Variants in ZNF385B observed in about 807,000 individuals in gnomAD.
The protein encoded by ZNF385B is zinc finger protein 533.
Under a neutral mutation model 39.2 loss-of-function variants are expected in ZNF385B, and 23 were observed. The ratio of observed to expected loss-of-function variants is 0.59; its 90% confidence interval spans 0.42 to 0.83. The LOEUF (loss-of-function observed/expected upper bound fraction) is 0.83, where lower values mean the gene tolerates loss of function less well. Ranked by LOEUF, ZNF385B falls within the 40% of genes least tolerant of loss-of-function variation. The probability of loss-of-function intolerance (pLI) is 0.00; values close to 1 mark genes in which losing one functional copy is unlikely to be tolerated. For missense variants in ZNF385B, 552 were observed against 598.9 expected, an observed-to-expected ratio of 0.92 and a Z score of 0.82; for synonymous variants, 205 against 222.6, an observed-to-expected ratio of 0.92 and a Z score of 0.70.
chr2:179,712,202 C>A (rs1254894360), intron 3 of ZNF385B, among the ~76,000 whole-genome samples: 1 of 152,114 alleles, frequency 6.6e-6, no homozygotes. Flanking sequence ...ATTATGCTTT[C>A]TCCCACTGAT....
chr2:179,803,625 T>C (rs773525955), intron 1 of ZNF385B, among the ~76,000 whole-genome samples: 1 of 152,178 alleles, frequency 6.6e-6, no homozygotes, highest in Non-Finnish European at 1.5e-5. Flanking sequence ...TATTTGACTA[T>C]GACCAACATA....
At chr2:179,783,702 T>C (rs1704814194) in intron 1 of ZNF385B, among the ~76,000 whole-genome samples, 1 of 152,074 alleles carries the variant, frequency 6.6e-6, no homozygotes, top group Non-Finnish European at 1.5e-5. Context: ...AAGACATACA[T>C]GCAGCCAAGA....
rs1176501714 is a variant in ZNF385B, at chr2:179,619,183, T to C, written c.299-74214A>G. Among the ~76,000 whole-genome samples the C allele has an allele frequency of 2.0e-5, 3 of 152,336 alleles. No individual in the cohort carries two copies. In the East Asian group the frequency reaches 5.8e-4, roughly 29 times the overall value. On this transcript the variant is annotated intron_variant, in intron 3 of 9. Transcript: ENST00000410066. ...AGACAGGTTAGATTCCTCTGCTGTG[T>C]TGATGAACACTTCAGGTGCATGAAA...
At chr2:179,559,368 G>C (rs746102662) in intron 3 of ZNF385B, among the ~76,000 whole-genome samples, 1 of 152,074 alleles carries the variant, frequency 6.6e-6, no homozygotes, top group Non-Finnish European at 1.5e-5. Context: ...AGTTGGCCTG[G>C]CTTCTTGAAA....
intron 1 of ZNF385B, among the ~76,000 whole-genome samples, chr2:179,802,377 A>T (rs992967135): frequency 1.3e-5 from 2 of 152,116 alleles, no homozygotes; most frequent in African/African-American, 4.8e-5. Flanking sequence ...CCCATTTACT[A>T]CATTAATTCC....
At chr2:179,490,888 A>G (rs971409720) in intron 5 of ZNF385B, among the ~76,000 whole-genome samples, 6 of 152,200 alleles carry the variant, frequency 3.9e-5, no homozygotes, top group Admixed American at 2.0e-4. Context: ...TCTGAACACA[A>G]ATCTTTCCAT....
rs7574368 is a variant in ZNF385B, at chr2:179,557,609, A to G, written c.299-12640T>C. ...TATATAACATATATACATGTTATAT[A>G]TGTATGTTATATACATGTATATAAC... On this transcript the variant is annotated intron_variant, in intron 3 of 9. Coordinates refer to ENST00000410066, the MANE Select transcript of ZNF385B (RefSeq NM_152520.6). 6.9e-3 allele frequency among the ~76,000 whole-genome samples: 6 copies of G among 872 alleles called. 2 individuals are homozygous for G. The highest frequency in any genetic ancestry group is 0.011 in the African/African-American group (4 of 380). 0.6% of individuals were successfully genotyped at this position (872 alleles called of 152,430 possible).
intron 6 of ZNF385B, among the ~76,000 whole-genome samples, chr2:179,453,737 A>G (rs1244309332): frequency 6.6e-6 from 1 of 152,164 alleles, no homozygotes; most frequent in East Asian, 1.9e-4. Context: ...TCATGTTGTT[A>G]GTGCCCAACG....
At chr2:179,651,032 G>A (rs752007105) in intron 3 of ZNF385B, among the ~76,000 whole-genome samples, 7 of 152,046 alleles carry the variant, frequency 4.6e-5, no homozygotes, top group Non-Finnish European at 7.4e-5. Flanking sequence ...GGTATTACTC[G>A]AAGAAAGGAC....
intron 3 of ZNF385B, among the ~76,000 whole-genome samples, chr2:179,680,415 C>A (rs184414117): frequency 1.3e-5 from 2 of 151,956 alleles, no homozygotes; most frequent in African/African-American, 4.8e-5. Context: ...ATATAAAAGT[C>A]AAGAAAAGGC....
chr2:179,659,287 G>A (rs1694185048), intron 3 of ZNF385B, among the ~76,000 whole-genome samples: 1 of 152,116 alleles, frequency 6.6e-6, no homozygotes, highest in Admixed American at 6.5e-5. Flanking sequence ...TTACGAAAAT[G>A]TTTGTTTTCC....
chr2:179,857,518 T>C (rs1485376648), intron 1 of ZNF385B, among the ~76,000 whole-genome samples: 2 of 152,112 alleles, frequency 1.3e-5, no homozygotes, highest in African/African-American at 4.8e-5. Flanking sequence ...GAGAGGGCCC[T>C]TCCTAGCAGA....
intron 3 of ZNF385B, among the ~76,000 whole-genome samples, chr2:179,664,353 A>G (rs565283943): frequency 2.0e-5 from 3 of 152,290 alleles, no homozygotes; most frequent in African/African-American, 7.2e-5. Context: ...GCATTAACTA[A>G]TATTATTTCT....
intron 1 of ZNF385B, among the ~76,000 whole-genome samples, chr2:179,857,474 C>A (rs1436761922): frequency 6.6e-6 from 1 of 152,168 alleles, no homozygotes; most frequent in East Asian, 1.9e-4. Flanking sequence ...ATTGCACTGA[C>A]TCTCTCGACA....
chr2:179,555,102 T>C (rs569084576), intron 3 of ZNF385B, among the ~76,000 whole-genome samples: 5 of 149,746 alleles, frequency 3.3e-5, no homozygotes, highest in African/African-American at 1.3e-4. Context: ...ATAGAAAGAA[T>C]AATTTTTGTA....
At chr2:179,752,280 C>T (rs950034516) in intron 3 of ZNF385B, among the ~76,000 whole-genome samples, 12 of 152,228 alleles carry the variant, frequency 7.9e-5, no homozygotes, top group African/African-American at 1.4e-4. Flanking sequence ...TTTTTTATGG[C>T]TGCATAGTAT....
chr2:179,445,080 A>G (rs1376793790), intron 8 of ZNF385B, 103 bp from the exon 9 acceptor site: 3 of 948,458 alleles, frequency 3.2e-6, no homozygotes, highest in Admixed American at 3.5e-5. Flanking sequence ...CTAGGTCCAT[A>G]GTTCCACGAT....
intron 3 of ZNF385B, among the ~76,000 whole-genome samples, chr2:179,728,246 T>C (rs1701148469): frequency 6.6e-6 from 1 of 152,150 alleles, no homozygotes; most frequent in Non-Finnish European, 1.5e-5. Context: ...CCCATTTTCT[T>C]CTCTCTTTTT....
At chr2:179,638,437 T>G (rs1182042764) in intron 3 of ZNF385B, among the ~76,000 whole-genome samples, 1 of 152,142 alleles carries the variant, frequency 6.6e-6, no homozygotes, top group African/African-American at 2.4e-5. Context: ...GTGTAGCAAA[T>G]CTGAAACTAT....
Sources: allele counts gnomAD v4.1 joint callset (sites outside exome capture counted in the v4.1 genomes callset), GRCh38; gene constraint gnomAD v4.1.1; transcripts MANE v1.5; gene names NCBI Gene and HGNC (gene_info 2026-07-23, HGNC 2026-07-21).